The following PKD1 variants were observed in gnomAD, a reference collection of about 807,000 sequenced individuals.
PKD1 encodes polycystin 1, transient receptor potential channel interacting, also known as polycystin-1.
A neutral mutation model predicts 361.7 loss-of-function variants in PKD1; 81 were observed. The ratio of observed to expected loss-of-function variants is 0.22; its 90% CI spans 0.19 to 0.27. The LOEUF (loss-of-function observed/expected upper bound fraction) is 0.27, where lower values mean the gene tolerates loss of function less well. Among genes scored for constraint, PKD1 ranks in the 10% least tolerant of loss-of-function variants. The pLI is 1.00. For synonymous variants in PKD1, 3,615 were observed against 2,818.3 expected, an observed-to-expected ratio of 1.28 and a Z score of -8.95; for missense variants, 6,399 against 6,118.3, an observed-to-expected ratio of 1.05 and a Z score of -1.53.
Position 2,097,676 on chromosome 16 carries a change from C to A in PKD1, c.10220+52G>T, listed in dbSNP as rs373118430. 1.2e-5 allele frequency: 19 copies of A among 1,610,698 alleles called. No individual in the cohort carries two copies. The African/African-American group carries it at 2.4e-4, about 20-fold the overall frequency. ...ACACGCAGCCCGCACACCCCCGGCACCCCAGACACAGTGACCTGCACCAGG... is the reference window on the plus strand; with the variant it reads ...ACACGCAGCCCGCACACCCCCGGCAACCCAGACACAGTGACCTGCACCAGG... On this transcript the variant is annotated intron_variant, in intron 32 of 45. Transcript: ENST00000262304.
At chr16:2,122,322 CAGAG>C (rs2092733955) in intron 1 of PKD1, among the ~76,000 whole-genome samples, 1 of 152,210 alleles carries the variant, frequency 6.6e-6, no homozygotes, top group African/African-American at 2.4e-5. Flanking sequence ...GTGGGACACT[CAGAG>C]AGCCTATGCC....
rs919229409 is a variant in PKD1, at chr16:2,108,592, G to A, written c.6575C>T (p.Thr2192Ile). The A allele has an allele frequency of 5.1e-6, 8 of 1,558,316 alleles. No individual in the cohort carries two copies. The highest frequency in any genetic ancestry group is 6.9e-6 in the Non-Finnish European group (8 of 1,151,628). The change falls in exon 15 of 46, where the codon ACC (threonine) becomes ATC (isoleucine). Residue 2192 changes from threonine (T) to isoleucine (I), a missense_variant. Physicochemically the swap from Thr to Ile is moderately conservative, Grantham distance 89. Coordinates refer to ENST00000262304, the MANE Select transcript of PKD1 (RefSeq NM_001009944.3). ...GCGCCCCGGCCGCTGGCAGCTGGCG[G>A]TGCGATACACCTCCCAGCGGTACTC... Reference protein sequence around the residue: ...QTEYRWEVYRTASCQRPGRPA... With the variant: ...QTEYRWEVYRIASCQRPGRPA...
At chr16:2,115,228 G>A (rs1233412476) in intron 10 of PKD1, 150 bp downstream of exon 10, 2 of 1,042,804 alleles carry the variant, frequency 1.9e-6, no homozygotes, top group Non-Finnish European at 2.8e-6. Flanking sequence ...AGGGCCGAGG[G>A]CACTGCAGAG....
At chr16:2,098,296 C>T in intron 30 of PKD1, 1 of 436,886 alleles carries the variant, frequency 2.3e-6, no homozygotes, top group African/African-American at 2.0e-5. Context: ...GCAACCTCCA[C>T]CTCCCGCGTT....
In PKD1 at chr16:2,103,023, G is replaced by A. The variant is rs2092160830; in HGVS notation, c.8792-53C>T. 6.6e-5 allele frequency: 105 copies of A among 1,580,262 alleles called. No homozygotes were observed. In the South Asian group the frequency reaches 1.1e-3, roughly 17 times the overall value. ...CTGCCGGGAAGCTCAACCACCCGGGGGACACCCACGATGGCCCTCCTGAGC... is the reference window on the plus strand; with the variant it reads ...CTGCCGGGAAGCTCAACCACCCGGGAGACACCCACGATGGCCCTCCTGAGC... On this transcript the variant is annotated intron_variant, in intron 23 of 45. Transcript: ENST00000262304.
In PKD1 at chr16:2,112,324, C is replaced by G. The variant is rs964150892; in HGVS notation, c.3295+16G>C. On this transcript the variant is annotated intron_variant, in intron 14 of 45. Coordinates refer to ENST00000262304, the MANE Select transcript of PKD1 (RefSeq NM_001009944.3). ...AGCCTGAAAGGCAGTGGCCCCCTCA[C>G]CCCCTCATCCCTCACCTGGGGCAGC... 11 of 1,583,062 alleles carry G rather than the reference C, an allele frequency of 6.9e-6. No individual in the cohort carries two copies. The highest frequency in any genetic ancestry group is 1.4e-5 in the African/African-American group (1 of 73,746).
chr16:2,089,378 C>T lies in PKD1; in HGVS notation c.*349G>A, dbSNP rs975387518. 2.0e-5 allele frequency: 8 copies of T among 406,216 alleles called. No individual in the cohort carries two copies. Among genetic ancestry groups the T allele is most frequent in the Admixed American group, 8.0e-5 (2 of 24,944 alleles). 25.2% of individuals were successfully genotyped at this position (406,216 alleles called of 1,614,324 possible). On this transcript the variant is annotated 3_prime_UTR_variant, in exon 46 of 46. Transcript: ENST00000262304. ...GGTGGCGGCGGTGCAGGCTAACCCT[C>T]CCTGAAGCCAGCAGCCTTAGCAGTG... is the stretch of plus-strand genomic sequence containing the variant.
In PKD1 at chr16:2,110,901, G is replaced by A. The variant is rs776557720; in HGVS notation, c.4266C>T (p.Ala1422=). 1 of 1,611,588 alleles carries A rather than the reference G, an allele frequency of 6.2e-7. No homozygotes were observed. Among genetic ancestry groups the A allele is most frequent in the South Asian group, 1.1e-5 (1 of 91,022 alleles). The change falls in exon 15 of 46, where the codon GCC becomes GCT. Residue 1422 remains alanine (A), a synonymous_variant. Coordinates refer to ENST00000262304, the MANE Select transcript of PKD1 (RefSeq NM_001009944.3). ...YTWDFGTEEA[A]PTRARGPEVT... ...CCTCAGGGCCCCTGGCACGGGTGGG[G>A]GCGGCTTCCTCGGTGCCAAAGTCCC...
Position 2,089,375 on chromosome 16 carries a change from C to T in PKD1, c.*352G>A, listed in dbSNP as rs1001905592. ...CAGGGTGGCGGCGGTGCAGGCTAAC[C>T]CTCCCTGAAGCCAGCAGCCTTAGCA... On this transcript the variant is annotated 3_prime_UTR_variant, in exon 46 of 46. Transcript: ENST00000262304. 2 of 395,980 alleles carry T rather than the reference C, an allele frequency of 5.1e-6. No homozygotes were observed. Among genetic ancestry groups the T allele is most frequent in the Non-Finnish European group, 4.6e-6 (1 of 215,996 alleles). 24.5% of individuals were successfully genotyped at this position (395,980 alleles called of 1,614,324 possible).
Position 2,100,377 on chromosome 16 carries a change from T to G in PKD1, c.9568+19A>C. The stretch of plus-strand genomic sequence containing the variant: ...AATGCGGGGGCAGAGGGGCAGAGCT[T>G]GGCAGGGTCCGCACAAACCTTTGTT... On this transcript the variant is annotated intron_variant, in intron 27 of 45. Transcript: ENST00000262304. The surrounding 1 kb of genome is among the most constrained non-coding windows in gnomAD (Gnocchi z 4.4). 1 of 1,611,174 alleles carries G rather than the reference T, an allele frequency of 6.2e-7. No individual in the cohort carries two copies. The highest frequency in any genetic ancestry group is 1.7e-5 in the Admixed American group (1 of 60,022).
In PKD1 at chr16:2,135,635, G is replaced by A. The variant is rs2151858362; in HGVS notation, c.55C>T (p.Leu19Phe). 1.1e-6 allele frequency: 1 copy of A among 916,848 alleles called. No homozygotes were observed. Among genetic ancestry groups the A allele is most frequent in the Non-Finnish European group, 1.3e-6 (1 of 767,556 alleles). 56.8% of individuals were successfully genotyped at this position (916,848 alleles called of 1,614,324 possible). The change falls in exon 1 of 46, where the codon CTC becomes TTC. Residue 19 changes from leucine (L) to phenylalanine (F), a missense_variant. Coordinates refer to ENST00000262304, the MANE Select transcript of PKD1 (RefSeq NM_001009944.3). ...CCGGGGCCCCCCGCCAGCGCCCCGA[G>A]CCACAGGCCCAGGCCCAGGGCCAGC... ...LALALGLGLWLGALAGGPGRG... is the reference protein window; with the variant it reads ...LALALGLGLWFGALAGGPGRG...
chr16:2,115,733 C>T (rs1348426830), intron 9 of PKD1, 108 bp from the exon 10 acceptor site: 2 of 1,134,502 alleles, frequency 1.8e-6, no homozygotes, highest in Admixed American at 2.0e-5. Flanking sequence ...GACAGGTCTC[C>T]CCACCTGGGC....
chr16:2,093,030 A>G lies in PKD1; in HGVS notation c.11080T>C (p.Cys3694Arg). 1 of 1,612,872 alleles carries G rather than the reference A, an allele frequency of 6.2e-7. No homozygotes were observed. The highest frequency in any genetic ancestry group is 8.5e-7 in the Non-Finnish European group (1 of 1,179,928). ...TGCAGACGGTAGGCGTGCCCATGGC[A>G]TGAGGCATCCCCATAGCTGGCCAGC... ...TLLASYGDAS[C>R]HGHAYRLQSA... Residue 3694 changes from cysteine (C) to arginine (R), a missense_variant, in exon 38 of 46, where the codon TGC becomes CGC. Coordinates refer to ENST00000262304, the MANE Select transcript of PKD1 (RefSeq NM_001009944.3).
At chr16:2,113,621 C>T (rs553275584) in intron 11 of PKD1, among the ~76,000 whole-genome samples, 22 of 152,312 alleles carry the variant, frequency 1.4e-4, no homozygotes, top group African/African-American at 5.3e-4. Context: ...CAGCTCCTCA[C>T]CCAGAGAGCT....
Position 2,107,891 on chromosome 16 carries a change from T to A in PKD1, c.7057A>T (p.Asn2353Tyr). 6.5e-7 allele frequency: 1 copy of A among 1,544,342 alleles called. No individual in the cohort carries two copies. Among genetic ancestry groups the A allele is most frequent in the East Asian group, 2.4e-5 (1 of 40,934 alleles). The change falls in exon 16 of 46, where the codon AAC becomes TAC. Residue 2353 changes from asparagine (N) to tyrosine (Y), a missense_variant. Coordinates refer to ENST00000262304, the MANE Select transcript of PKD1 (RefSeq NM_001009944.3). ...GGGCGGGCGGCACCCACCGTCTGGT[T>A]GGTGGCCTCCTCCTTGCGGCCGGCC... is the stretch of plus-strand genomic sequence containing the variant. The part of the protein sequence containing the change: ...WKAGRKEEAT[N>Y]QTVLIRSGRV...
At position 2,103,740 on chromosome 16, in the gene PKD1, G is replaced by C; in HGVS notation, c.8317C>G (p.Pro2773Ala). 1 of 1,610,016 alleles carries C rather than the reference G, an allele frequency of 6.2e-7. No individual in the cohort carries two copies. Among genetic ancestry groups the C allele is most frequent in the Non-Finnish European group, 8.5e-7 (1 of 1,179,612 alleles). ...ATCTCCTCGCCCGCCAGCGTCAGGG[G>C]CTCCTCGTTGAGCACGCGGGAGCGC... The part of the protein sequence containing the change: ...LMRSRVLNEE[P>A]LTLAGEEIVA... Residue 2773 changes from proline to alanine, a missense_variant, in exon 23 of 46, where the codon CCC (proline) becomes GCC (alanine). Coordinates refer to ENST00000262304, the MANE Select transcript of PKD1 (RefSeq NM_001009944.3).
Position 2,102,429 on chromosome 16 carries a change from G to A in PKD1, c.9153C>T (p.Phe3051=), listed in dbSNP as rs779866360. Reference sequence around the variant, plus strand: ...TTGGGGGCACGAAGAGGCTGGCGCCGAAGGCGGTGAGGTGGCGGGTGAGGC... The same window carrying A: ...TTGGGGGCACGAAGAGGCTGGCGCCAAAGGCGGTGAGGTGGCGGGTGAGGC... ...AVCLTRHLTA[F]GASLFVPPSH... Residue 3051 remains phenylalanine (F), a synonymous_variant, in exon 25 of 46, where the codon TTC becomes TTT. Transcript: ENST00000262304. The A allele has an allele frequency of 5.8e-5, 90 of 1,551,656 alleles. No individual in the cohort carries two copies. In the African/African-American group the frequency reaches 7.4e-4, roughly 13 times the overall value.
In PKD1 at chr16:2,093,493, T is replaced by C. The variant is rs189820575; in HGVS notation, c.11016+51A>G. On this transcript the variant is annotated intron_variant, in intron 37 of 45. Transcript: ENST00000262304. ...GTGTCCTGCGTGCATGGGTGGGAGG[T>C]GGGAGACAAGAGACGGAGGTGGCAG... The C allele has an allele frequency of 8.5e-4, 1,283 of 1,512,558 alleles. 12 individuals carry two copies. The African/African-American group carries it at 0.015, about 18-fold the overall frequency. The allele number at this position is 1,512,558 out of a possible 1,614,324, so 93.7% of individuals were successfully genotyped here.
At position 2,108,552 on chromosome 16, in the gene PKD1, G is replaced by A. The variant is rs1221455116; in HGVS notation, c.6615C>T (p.Ala2205=). Residue 2205 remains alanine (A), a synonymous_variant, in exon 15 of 46, where the codon GCC becomes GCT. Coordinates refer to ENST00000262304, the MANE Select transcript of PKD1 (RefSeq NM_001009944.3). ...CQRPGRPARV[A]LPGVDVSRPR... ...GCCGGCTCACGTCCACGCCGGGCAGGGCCACACGCGCTGGGCGCCCCGGCC... is the reference window on the plus strand; with the variant it reads ...GCCGGCTCACGTCCACGCCGGGCAGAGCCACACGCGCTGGGCGCCCCGGCC... 1.8e-5 allele frequency: 29 copies of A among 1,600,480 alleles called. No homozygotes were observed. Among genetic ancestry groups the A allele is most frequent in the South Asian group, 4.4e-5 (4 of 90,130 alleles).
Sources: allele counts gnomAD v4.1 joint callset (sites outside exome capture counted in the v4.1 genomes callset), GRCh38; gene constraint gnomAD v4.1.1; non-coding constraint Gnocchi (gnomAD v3.1); transcripts MANE v1.5; gene names NCBI Gene and HGNC (gene_info 2026-07-23, HGNC 2026-07-21).